Variants in SCAND3 observed in about 807,000 individuals in gnomAD.
SCAND3 encodes SCAN domain-containing protein 3.
chr6:28,603,669 A>G, the SCAND3 span, among the ~76,000 whole-genome samples: 3 of 152,002 alleles, frequency 2.0e-5, no homozygotes, highest in Non-Finnish European at 2.9e-5. Flanking sequence ...CTGAACTCTA[A>G]TCGTATATAC....
chr6:28,606,596 G>A, the SCAND3 span, among the ~76,000 whole-genome samples: 7 of 152,156 alleles, frequency 4.6e-5, no homozygotes, highest in African/African-American at 1.7e-4. Flanking sequence ...AACTACTCTA[G>A]ACGTGCGGAT....
chr6:28,571,892 A>G, the SCAND3 span: 1 of 1,606,390 alleles, frequency 6.2e-7, no homozygotes, highest in Non-Finnish European at 8.5e-7. Context: ...AATACCTTAC[A>G]TATCAATATT....
At chr6:28,610,260 G>A in the SCAND3 span, among the ~76,000 whole-genome samples, 2 of 152,124 alleles carry the variant, frequency 1.3e-5, no homozygotes, top group African/African-American at 2.4e-5. Context: ...GGTGGCTCAC[G>A]CCTGTAATCC....
chr6:28,599,402 A>G, the SCAND3 span, among the ~76,000 whole-genome samples: 1 of 152,218 alleles, frequency 6.6e-6, no homozygotes, highest in Non-Finnish European at 1.5e-5. Flanking sequence ...CCAATGTCAA[A>G]GTTATAGTAA....
the SCAND3 span, among the ~76,000 whole-genome samples, chr6:28,603,463 G>C: frequency 6.6e-6 from 1 of 152,032 alleles, no homozygotes; most frequent in South Asian, 2.1e-4. Flanking sequence ...TGGCTGATTT[G>C]AGACATCCTC....
the SCAND3 span, chr6:28,574,743 C>T: frequency 0.49 from 792,981 of 1,613,710 alleles, 203,615 homozygotes; most frequent in African/African-American, 0.87. Context: ...CATGTTTCCT[C>T]TTCATTGTGC....
chr6:28,606,568 A>T, the SCAND3 span, among the ~76,000 whole-genome samples: 1 of 152,226 alleles, frequency 6.6e-6, no homozygotes, highest in South Asian at 2.1e-4. Context: ...GGGGACCCTC[A>T]GAGTTTTGTC....
chr6:28,584,897 C>T, the SCAND3 span, among the ~76,000 whole-genome samples: 4 of 152,152 alleles, frequency 2.6e-5, no homozygotes, highest in Non-Finnish European at 4.4e-5. Flanking sequence ...GGCACTTCTG[C>T]GGGACTTCCA....
the SCAND3 span, among the ~76,000 whole-genome samples, chr6:28,574,487 A>G: frequency 6.6e-6 from 1 of 152,202 alleles, no homozygotes; most frequent in African/African-American, 2.4e-5. Context: ...ACTTGATTTG[A>G]GAAGAAGCAT....
chr6:28,575,461 G>A, the SCAND3 span: 133 of 1,613,668 alleles, frequency 8.2e-5, no homozygotes, highest in South Asian at 1.2e-3. The surrounding 1 kb of genome is among the most constrained non-coding windows in gnomAD (Gnocchi z 4.2). Context: ...TGCAACTTCC[G>A]TAGGCCTTTT....
the SCAND3 span, chr6:28,573,815 C>T: frequency 3.3e-6 from 5 of 1,524,954 alleles, no homozygotes; most frequent in Non-Finnish European, 4.4e-6. Context: ...TCCAGTGAAG[C>T]TTGTTTCGCC....
chr6:28,604,650 T>C, the SCAND3 span, among the ~76,000 whole-genome samples: 3 of 152,152 alleles, frequency 2.0e-5, no homozygotes, highest in Non-Finnish European at 4.4e-5. Flanking sequence ...TATTACATAT[T>C]TATTTCTTGA....
chr6:28,597,320 T>A, the SCAND3 span, among the ~76,000 whole-genome samples: 1 of 152,148 alleles, frequency 6.6e-6, no homozygotes, highest in African/African-American at 2.4e-5. Flanking sequence ...TTCAGAGGGT[T>A]AAATAAAAAC....
the SCAND3 span, among the ~76,000 whole-genome samples, chr6:28,577,716 G>C: frequency 2.0e-5 from 3 of 152,158 alleles, no homozygotes; most frequent in African/African-American, 7.2e-5. Flanking sequence ...CCGCTGCTTT[G>C]TTCTAAAGTT....
the SCAND3 span, chr6:28,574,728 CTCA>C: frequency 1.9e-6 from 3 of 1,614,014 alleles, no homozygotes; most frequent in African/African-American, 1.3e-5. Flanking sequence ...TTCTTTGAAT[CTCA>C]TCATGTTTCC....
the SCAND3 span, among the ~76,000 whole-genome samples, chr6:28,594,969 T>C: frequency 5.1e-4 from 78 of 151,940 alleles, no homozygotes; most frequent in Non-Finnish European, 1.1e-3. Context: ...TTGAGATCTA[T>C]TGCACAGTAG....
At chr6:28,600,979 G>A in the SCAND3 span, among the ~76,000 whole-genome samples, 2 of 136,756 alleles carry the variant, frequency 1.5e-5, no homozygotes, top group Admixed American at 1.6e-4. Context: ...TCGGCTCACC[G>A]CAAGCTCCAT....
chr6:28,589,302 T>C, the SCAND3 span: 1 of 152,204 alleles, frequency 6.6e-6, no homozygotes, highest in Admixed American at 6.5e-5. Flanking sequence ...CCTAACTCTT[T>C]CGGATCGGAA....
At chr6:28,597,430 A>C in the SCAND3 span, among the ~76,000 whole-genome samples, 3 of 152,202 alleles carry the variant, frequency 2.0e-5, no homozygotes, top group Non-Finnish European at 4.4e-5. Flanking sequence ...TCACATGCTA[A>C]GCGTGGCAAA....
Sources: gnomAD v4.1 joint callset for allele counts (sites outside exome capture counted in the v4.1 genomes callset) on GRCh38, gnomAD v4.1.1 for gene constraint, Gnocchi (gnomAD v3.1) non-coding constraint, MANE v1.5 for transcripts, NCBI Gene and HGNC (gene_info 2026-07-23, HGNC 2026-07-21) for gene names.